Variants in SMAD2 observed in about 807,000 individuals in gnomAD.
The protein encoded by SMAD2 is SMAD family member 2.
In SMAD2, 8 loss-of-function variants were observed where a neutral mutation model predicts 64.4. The observed-to-expected ratio is 0.12, with a 90% CI of 0.07 to 0.22. The LOEUF (loss-of-function observed/expected upper bound fraction) is 0.22, where lower values mean the gene tolerates loss of function less well. Ranked by LOEUF, SMAD2 falls within the 10% of genes least tolerant of loss-of-function variation. SMAD2 has a pLI of 1.00. For missense variants in SMAD2, 289 were observed against 561.2 expected (o/e 0.51, Z 4.90); for synonymous variants, 203 against 195.8 (o/e 1.04, Z -0.31).
At position 47,839,613 on chromosome 18, in the gene SMAD2, T is replaced by C. The variant is rs1357643765; in HGVS notation, c.*2214A>G. ...ACAGCAAAGGTTGAGGAAGGAGATA[T>C]GTTAGTGAGAATCACATGAAGCAGA... is the stretch of plus-strand genomic sequence containing the variant. On this transcript the variant is annotated 3_prime_UTR_variant, in exon 11 of 11. Coordinates refer to ENST00000262160, the MANE Select transcript of SMAD2 (RefSeq NM_005901.6). 4 of 233,254 alleles carry C rather than the reference T, an allele frequency of 1.7e-5. No homozygotes were observed. The highest frequency in any genetic ancestry group is 6.0e-5 in the East Asian group (1 of 16,718). 14.4% of individuals were successfully genotyped at this position (233,254 alleles called of 1,614,324 possible). A position where few individuals can be genotyped will look rare whatever the true frequency, so the allele number is the denominator to read the frequency against.
rs975692716 is a variant in SMAD2 at position 47,839,492 on chromosome 18, T to C, written c.*2335A>G. The C allele has an allele frequency of 4.3e-6, 1 of 233,306 alleles. No individual in the cohort carries two copies. The highest frequency in any genetic ancestry group is 8.5e-6 in the Non-Finnish European group (1 of 118,062). The allele number at this position is 233,306 out of a possible 1,614,324, so 14.5% of individuals were successfully genotyped here. On this transcript the variant is annotated 3_prime_UTR_variant, in exon 11 of 11. Coordinates refer to ENST00000262160, the MANE Select transcript of SMAD2 (RefSeq NM_005901.6). ...GACATAATTACTGGACAGCACAAAG[T>C]CTGGAAGCAAGCAGCAGGGCACTAA...
In SMAD2 at chr18:47,821,698, C is replaced by T. The variant is rs1912581680; in HGVS notation, c.*20129G>A. The T allele has an allele frequency of 6.6e-6, 1 of 152,090 alleles. No individual in the cohort carries two copies. The highest frequency in any genetic ancestry group is 6.5e-5 in the Admixed American group (1 of 15,288). 9.4% of individuals were successfully genotyped at this position (152,090 alleles called of 1,614,324 possible). A position where few individuals can be genotyped will look rare whatever the true frequency, so the allele number is the denominator to read the frequency against. On this transcript the variant is annotated 3_prime_UTR_variant, in exon 11 of 11. Transcript: ENST00000262160. ...CACACTGCAAGAGATTTTTCTTTACCATTTTGGCAACTGGCCTAAGAAAAA... is the reference window on the plus strand; with the variant it reads ...CACACTGCAAGAGATTTTTCTTTACTATTTTGGCAACTGGCCTAAGAAAAA...
chr18:47,899,698 A>T (rs2033604497), intron 1 of SMAD2, among the ~76,000 whole-genome samples: 1 of 152,140 alleles, frequency 6.6e-6, no homozygotes, highest in East Asian at 1.9e-4. Context: ...GTGCCTGACA[A>T]ATTAGTCCAT....
At position 47,845,489 on chromosome 18, in the gene SMAD2, G is replaced by A. The variant is rs1391737880; in HGVS notation, c.1136-5C>T. The A allele has an allele frequency of 4.3e-6, 7 of 1,611,802 alleles. No individual in the cohort carries two copies. The highest frequency in any genetic ancestry group is 5.9e-6 in the Non-Finnish European group (7 of 1,178,270). ...TGAAGATCTTCAGATTACAGCCTATGATTAAAAAAGGTAAAAGAAATTGTC... is the reference window on the plus strand; with the variant it reads ...TGAAGATCTTCAGATTACAGCCTATAATTAAAAAAGGTAAAAGAAATTGTC... On this transcript the variant is annotated splice_region_variant and splice_polypyrimidine_tract_variant and intron_variant, in intron 9 of 10. Transcript: ENST00000262160.
At chr18:47,853,098 G>C (rs1418360343) in intron 6 of SMAD2, 3 of 165,194 alleles carry the variant, frequency 1.8e-5, no homozygotes, top group African/African-American at 4.8e-5. Flanking sequence ...TTGGGAGACT[G>C]AGGTGGGTGG....
intron 1 of SMAD2, among the ~76,000 whole-genome samples, chr18:47,903,780 A>AT (rs1479259854): frequency 6.6e-6 from 1 of 151,116 alleles, no homozygotes; most frequent in African/African-American, 2.4e-5. Context: ...GAAATTAAGG[A>AT]TACCATTAGA....
In SMAD2 at chr18:47,826,418, G is replaced by C. The variant is rs1452734392; in HGVS notation, c.*15409C>G. 1 of 152,250 alleles carries C rather than the reference G, an allele frequency of 6.6e-6. No homozygotes were observed. The highest frequency in any genetic ancestry group is 1.5e-5 in the Non-Finnish European group (1 of 68,064). 9.4% of individuals were successfully genotyped at this position (152,250 alleles called of 1,614,324 possible). A position where few individuals can be genotyped will look rare whatever the true frequency, so the allele number is the denominator to read the frequency against. ...CACACTGGGTTTAGCCATGTGGCTTGTTTCTGGTGAATGCTAGTTAGCATG... is the reference window on the plus strand; with the variant it reads ...CACACTGGGTTTAGCCATGTGGCTTCTTTCTGGTGAATGCTAGTTAGCATG... On this transcript the variant is annotated 3_prime_UTR_variant, in exon 11 of 11. Coordinates refer to ENST00000262160, the MANE Select transcript of SMAD2 (RefSeq NM_005901.6).
chr18:47,864,277 G>A (rs966389023), intron 6 of SMAD2, among the ~76,000 whole-genome samples: 3 of 151,972 alleles, frequency 2.0e-5, no homozygotes, highest in Admixed American at 6.6e-5. Context: ...CCAAAAAAAC[G>A]GATTTAAACA....
At chr18:47,896,417 AATC>A (rs2033441610) in intron 2 of SMAD2, 101 bp downstream of exon 2, 1 of 1,146,074 alleles carries the variant, frequency 8.7e-7, no homozygotes, top group Non-Finnish European at 1.3e-6. Flanking sequence ...GTCATATTTC[AATC>A]ATCACTTTTT....
intron 1 of SMAD2, among the ~76,000 whole-genome samples, chr18:47,927,177 T>C (rs574287676): frequency 2.0e-5 from 3 of 152,346 alleles, no homozygotes; most frequent in African/African-American, 7.2e-5. Flanking sequence ...TAAGGTCAGA[T>C]GAAGCTTAGC....
rs1023620316 is a variant in SMAD2 at position 47,824,089 on chromosome 18, A to G, written c.*17738T>C. The G allele has an allele frequency of 6.6e-6, 1 of 152,216 alleles. No homozygotes were observed. Among genetic ancestry groups the G allele is most frequent in the Non-Finnish European group, 1.5e-5 (1 of 68,044 alleles). The allele number at this position is 152,216 out of a possible 1,614,324, so 9.4% of individuals were successfully genotyped here. On this transcript the variant is annotated 3_prime_UTR_variant, in exon 11 of 11. Coordinates refer to ENST00000262160, the MANE Select transcript of SMAD2 (RefSeq NM_005901.6). ...ATGCAGGATGCAGGACCAGACCAATAACCCGGGAAAGGTCTATTCTGTCAC... is the reference window on the plus strand; with the variant it reads ...ATGCAGGATGCAGGACCAGACCAATGACCCGGGAAAGGTCTATTCTGTCAC...
rs919753331 is a variant in SMAD2, at chr18:47,823,252, A to T, written c.*18575T>A. On this transcript the variant is annotated 3_prime_UTR_variant, in exon 11 of 11. Coordinates refer to ENST00000262160, the MANE Select transcript of SMAD2 (RefSeq NM_005901.6). Reference sequence around the variant, plus strand: ...ACCTTGACTTAGCTTCTTAGCCTCAAGGAGGTTTTTAAATCTGAGATTACT... The same window carrying T: ...ACCTTGACTTAGCTTCTTAGCCTCATGGAGGTTTTTAAATCTGAGATTACT... 6 of 152,184 alleles carry T rather than the reference A, an allele frequency of 3.9e-5. No individual in the cohort carries two copies. The highest frequency in any genetic ancestry group is 8.8e-5 in the Non-Finnish European group (6 of 68,034). 9.4% of individuals were successfully genotyped at this position (152,184 alleles called of 1,614,324 possible).
chr18:47,886,570 C>CATCTATCT (rs5824712), intron 2 of SMAD2, among the ~76,000 whole-genome samples: 10,162 of 146,728 alleles, frequency 0.069, 366 homozygotes, highest in Middle Eastern at 0.095. Flanking sequence ...TATATCTATC[C>CATCTATCT]ATCTATCTAT....
intron 7 of SMAD2, among the ~76,000 whole-genome samples, chr18:47,848,928 T>C (rs1457722288): frequency 6.6e-6 from 1 of 152,192 alleles, no homozygotes; most frequent in East Asian, 1.9e-4. Flanking sequence ...TCCCATGTCA[T>C]TAAATCACTT....
chr18:47,870,227 AATT>A (rs1568066511), intron 3 of SMAD2, among the ~76,000 whole-genome samples: 2 of 152,258 alleles, frequency 1.3e-5, no homozygotes, highest in South Asian at 2.1e-4. Flanking sequence ...TAGTTATCAA[AATT>A]ATTATTCTTT....
At position 47,836,115 on chromosome 18, in the gene SMAD2, C is replaced by T. The variant is rs1913390802; in HGVS notation, c.*5712G>A. On this transcript the variant is annotated 3_prime_UTR_variant, in exon 11 of 11. Coordinates refer to ENST00000262160, the MANE Select transcript of SMAD2 (RefSeq NM_005901.6). ...GAGATCACCTGTGGGTCAAGGATGGCCCAGAGAATCTTGGAAAATCCATTT... is the reference window on the plus strand; with the variant it reads ...GAGATCACCTGTGGGTCAAGGATGGTCCAGAGAATCTTGGAAAATCCATTT... The T allele has an allele frequency of 4.6e-6, 1 of 217,360 alleles. No individual in the cohort carries two copies. The allele number at this position is 217,360 out of a possible 1,614,324, so 13.5% of individuals were successfully genotyped here.
At chr18:47,895,891 A>C (rs1217681402) in intron 2 of SMAD2, among the ~76,000 whole-genome samples, 1 of 152,226 alleles carries the variant, frequency 6.6e-6, no homozygotes, top group Non-Finnish European at 1.5e-5. Context: ...ACAAGTAGTA[A>C]AACACACTTT....
chr18:47,902,288 G>A lies in SMAD2; in HGVS notation c.-53-5479C>T, dbSNP rs2144491955. 3.3e-5 allele frequency among the ~76,000 whole-genome samples: 5 copies of A among 152,194 alleles called. No individual in the cohort carries two copies. The South Asian group carries it at 1.0e-3, about 32-fold the overall frequency. ...TTCTTTAATCATTTTTACACCCATT[G>A]TTCTCTATCGCTAAATATATAAATT... On this transcript the variant is annotated intron_variant, in intron 1 of 10. Coordinates refer to ENST00000262160, the MANE Select transcript of SMAD2 (RefSeq NM_005901.6).
chr18:47,901,236 A>C (rs762482991), intron 1 of SMAD2, among the ~76,000 whole-genome samples: 6 of 152,188 alleles, frequency 3.9e-5, no homozygotes, highest in Admixed American at 6.6e-5. Context: ...CTGGTGGATC[A>C]ATCCCCTTAC....
Sources: allele counts gnomAD v4.1 joint callset (sites outside exome capture counted in the v4.1 genomes callset), GRCh38; gene constraint gnomAD v4.1.1; transcripts MANE v1.5; gene names NCBI Gene and HGNC (gene_info 2026-07-23, HGNC 2026-07-21).